The following PPM1E variants were observed in gnomAD, a reference collection of about 807,000 sequenced individuals.
PPM1E encodes the protein protein phosphatase, Mg2+/Mn2+ dependent 1E, also known as protein phosphatase 1E.
PPM1E carries 20 observed loss-of-function variants against 65.9 expected under a neutral mutation model. The ratio of observed to expected loss-of-function variants is 0.30; its 90% CI spans 0.21 to 0.44. PPM1E has a LOEUF of 0.44. Among genes scored for constraint, PPM1E ranks in the 20% least tolerant of loss-of-function variants. PPM1E has a pLI of 1.00. For missense variants in PPM1E, 713 were observed against 953.1 expected (o/e 0.75, Z 3.32); for synonymous variants, 352 against 374.9 (o/e 0.94, Z 0.70).
At chr17:58,855,495 T>C (rs2050872804) in intron 1 of PPM1E, among the ~76,000 whole-genome samples, 1 of 152,194 alleles carries the variant, frequency 6.6e-6, no homozygotes, top group Non-Finnish European at 1.5e-5. Context: ...GGCCTAGTTA[T>C]AGCAATTCCT....
At chr17:58,797,151 A>G (rs1375855323) in intron 1 of PPM1E, among the ~76,000 whole-genome samples, 1 of 152,178 alleles carries the variant, frequency 6.6e-6, no homozygotes. Flanking sequence ...CCCCTAAAAA[A>G]CAAATAATTT....
intron 1 of PPM1E, among the ~76,000 whole-genome samples, chr17:58,920,061 C>A (rs189272889): frequency 6.6e-6 from 1 of 151,962 alleles, no homozygotes; most frequent in African/African-American, 2.4e-5. Context: ...AACAGGTAGT[C>A]GGATTTTGAA....
chr17:58,764,530 G>T (rs866639067), intron 1 of PPM1E, among the ~76,000 whole-genome samples: 8 of 152,018 alleles, frequency 5.3e-5, no homozygotes, highest in Non-Finnish European at 1.0e-4. Flanking sequence ...CAAACTTCTG[G>T]GCTCAAGGGG....
At chr17:58,869,909 G>A (rs1281365190) in intron 1 of PPM1E, among the ~76,000 whole-genome samples, 2 of 152,170 alleles carry the variant, frequency 1.3e-5, no homozygotes, top group African/African-American at 2.4e-5. Flanking sequence ...AAAGATGAAC[G>A]AATTGATATA....
At chr17:58,763,357 A>G (rs1160190694) in intron 1 of PPM1E, among the ~76,000 whole-genome samples, 10 of 152,160 alleles carry the variant, frequency 6.6e-5, no homozygotes, top group Non-Finnish European at 1.5e-4. Flanking sequence ...GCCAGTCCTT[A>G]GAAGTGGCAT....
chr17:58,791,268 C>A (rs939047055), intron 1 of PPM1E, among the ~76,000 whole-genome samples: 2 of 151,990 alleles, frequency 1.3e-5, no homozygotes, highest in Non-Finnish European at 2.9e-5. Context: ...GTTATCTAAC[C>A]AGAATGTAAA....
chr17:58,815,174 T>C (rs1251424498), intron 1 of PPM1E, among the ~76,000 whole-genome samples: 1 of 152,212 alleles, frequency 6.6e-6, no homozygotes, highest in East Asian at 1.9e-4. Flanking sequence ...GTTAGAGTGA[T>C]AATAGGTGAC....
intron 1 of PPM1E, among the ~76,000 whole-genome samples, chr17:58,776,401 A>G (rs750289553): frequency 2.0e-5 from 3 of 152,238 alleles, no homozygotes; most frequent in Admixed American, 6.5e-5. Flanking sequence ...CTGTTAGAAC[A>G]CATAATGGAT....
At chr17:58,951,569 G>C (rs1252533866) in intron 1 of PPM1E, 3 of 151,992 alleles carry the variant, frequency 2.0e-5, no homozygotes, top group Non-Finnish European at 2.9e-5. Context: ...AGCTACTTGC[G>C]GGGGCTGAGG....
At chr17:58,915,649 A>C (rs969072721) in intron 1 of PPM1E, among the ~76,000 whole-genome samples, 1 of 152,210 alleles carries the variant, frequency 6.6e-6, no homozygotes, top group Non-Finnish European at 1.5e-5. Context: ...TAGTTTGTAA[A>C]AGCCCTGAAT....
Position 58,756,108 on chromosome 17 carries a change from C to G in PPM1E, c.111C>G (p.Pro37=). Residue 37 remains proline, a synonymous_variant, in exon 1 of 7, where the codon CCC becomes CCG. Coordinates refer to ENST00000308249, the MANE Select transcript of PPM1E (RefSeq NM_014906.5). The part of the protein sequence containing the change: ...GGGEPEPEPE[P]EPEPEPESEP... The stretch of plus-strand genomic sequence containing the variant: ...GCGAGCCGGAGCCGGAACCCGAACC[C>G]GAACCCGAACCCGAACCCGAGTCCG... The G allele has an allele frequency of 6.2e-7, 1 of 1,604,050 alleles. No homozygotes were observed. Among genetic ancestry groups the G allele is most frequent in the Non-Finnish European group, 8.5e-7 (1 of 1,174,236 alleles).
chr17:58,781,235 G>A (rs2050047020), intron 1 of PPM1E, among the ~76,000 whole-genome samples: 1 of 151,314 alleles, frequency 6.6e-6, no homozygotes, highest in Non-Finnish European at 1.5e-5. Context: ...CCACCTCCTG[G>A]GTTCAAGTGA....
intron 1 of PPM1E, among the ~76,000 whole-genome samples, chr17:58,796,086 A>G (rs1273473093): frequency 6.6e-6 from 1 of 152,030 alleles, no homozygotes; most frequent in Admixed American, 6.6e-5. Flanking sequence ...GGAGTCTGAT[A>G]CTGTCACCCA....
Position 58,755,867 on chromosome 17 carries a change from C to G in PPM1E, c.-131C>G, listed in dbSNP as rs1030881934. 3.0e-5 allele frequency: 44 copies of G among 1,490,718 alleles called. No homozygotes were observed. In the East Asian group the frequency reaches 1.0e-3, roughly 34 times the overall value. 92.3% of individuals were successfully genotyped at this position (1,490,718 alleles called of 1,614,324 possible). A position where few individuals can be genotyped will look rare whatever the true frequency, so the allele number is the denominator to read the frequency against. ...CCTGCGGGAGCCCTCTCCAGGCAAC[C>G]TAGTGCTGATCGCTCGTGCCGGTGC... On this transcript the variant is annotated 5_prime_UTR_variant, in exon 1 of 7. Coordinates refer to ENST00000308249, the MANE Select transcript of PPM1E (RefSeq NM_014906.5).
At position 58,918,800 on chromosome 17, in the gene PPM1E, C is replaced by T. The variant is rs542577865; in HGVS notation, c.465-36849C>T. ...CAGCCTCGGTGACAAAGGGAGACTC[C>T]GTCTCAAAAAAAAAAAAAAAAAAAA... On this transcript the variant is annotated intron_variant, in intron 1 of 6. Coordinates refer to ENST00000308249, the MANE Select transcript of PPM1E (RefSeq NM_014906.5). Among the ~76,000 whole-genome samples the T allele has an allele frequency of 7.3e-5, 8 of 110,150 alleles. No individual in the cohort carries two copies. The South Asian group carries it at 2.8e-3, about 39-fold the overall frequency. The allele number at this position is 110,150 out of a possible 152,430, so 72.3% of individuals were successfully genotyped here. A position where few individuals can be genotyped will look rare whatever the true frequency, so the allele number is the denominator to read the frequency against.
intron 1 of PPM1E, among the ~76,000 whole-genome samples, chr17:58,938,096 G>A (rs559747666): frequency 6.6e-6 from 1 of 152,074 alleles, no homozygotes; most frequent in African/African-American, 2.4e-5. Context: ...TACCCCACTG[G>A]ACTATGTGAA....
intron 6 of PPM1E, among the ~76,000 whole-genome samples, chr17:58,978,211 G>A (rs980914845): frequency 6.6e-6 from 1 of 152,210 alleles, no homozygotes; most frequent in Non-Finnish European, 1.5e-5. Flanking sequence ...AGAAGAGCTA[G>A]GATTTGGACC....
chr17:58,828,431 G>A (rs1027416583), intron 1 of PPM1E, among the ~76,000 whole-genome samples: 1 of 151,620 alleles, frequency 6.6e-6, no homozygotes, highest in Admixed American at 6.6e-5. Flanking sequence ...AACCACAATG[G>A]CAAAGGAAGC....
At chr17:58,779,175 A>ATTT (rs57635808) in intron 1 of PPM1E, among the ~76,000 whole-genome samples, 6 of 131,728 alleles carry the variant, frequency 4.6e-5, no homozygotes, top group African/African-American at 1.4e-4. Flanking sequence ...ATGAATTCTG[A>ATTT]TTTTTTTTTT....
Sources: allele counts gnomAD v4.1 joint callset (sites outside exome capture counted in the v4.1 genomes callset), GRCh38; gene constraint gnomAD v4.1.1; transcripts MANE v1.5; gene names NCBI Gene and HGNC (gene_info 2026-07-23, HGNC 2026-07-21).